The following ORC3 variants were observed in gnomAD, a reference collection of about 807,000 sequenced individuals.
The protein encoded by ORC3 is origin recognition complex subunit 3, also known as homolog of latheo, Drosophila.
Under a neutral mutation model 100.7 loss-of-function variants are expected in ORC3, and 78 were observed. That is an observed-to-expected ratio of 0.77 (90% confidence interval 0.65 to 0.94). The LOEUF is 0.94. ORC3 is among the 40% of genes least tolerant of loss of function. The probability of loss-of-function intolerance (pLI) is 0.00; values close to 1 mark genes in which losing one functional copy is unlikely to be tolerated. For synonymous variants in ORC3, 295 were observed against 289.3 expected (o/e 1.02, Z -0.20); for missense variants, 789 against 823.9 (o/e 0.96, Z 0.52).
intron 11 of ORC3, among the ~76,000 whole-genome samples, chr6:87,622,686 C>A (rs1779622108): frequency 6.6e-6 from 1 of 152,084 alleles, no homozygotes; most frequent in Admixed American, 6.5e-5. Flanking sequence ...CTGGATACAG[C>A]CAGTGTTACT....
intron 2 of ORC3, 61 bp downstream of exon 2, chr6:87,594,468 C>T (rs1777281126): frequency 7.0e-7 from 1 of 1,438,444 alleles, no homozygotes; most frequent in Admixed American, 2.1e-5. Context: ...AGGAACTAAC[C>T]CTAATTGAAT....
chr6:87,627,804 G>A (rs1057297891), intron 11 of ORC3, among the ~76,000 whole-genome samples: 9 of 152,080 alleles, frequency 5.9e-5, no homozygotes, highest in South Asian at 4.2e-4. Context: ...TTTACAGTCT[G>A]TATAACTGGA....
intron 13 of ORC3, among the ~76,000 whole-genome samples, chr6:87,645,254 G>C (rs2128284685): frequency 6.6e-6 from 1 of 152,296 alleles, no homozygotes; most frequent in African/African-American, 2.4e-5. Context: ...AGTAAGAGCT[G>C]TGATGGGTCA....
chr6:87,658,039 T>A, intron 16 of ORC3, 21 bp downstream of exon 16: 1 of 1,289,860 alleles, frequency 7.8e-7, no homozygotes, highest in Non-Finnish European at 1.1e-6. Flanking sequence ...ATTTAGCTCT[T>A]AAGAGCTAAA....
In ORC3 at chr6:87,603,536, T is replaced by G. The variant is rs779713238; in HGVS notation, c.322+8T>G. 1 of 1,462,720 alleles carries G rather than the reference T, an allele frequency of 6.8e-7. No homozygotes were observed. Among genetic ancestry groups the G allele is most frequent in the Non-Finnish European group, 9.2e-7 (1 of 1,084,372 alleles). The allele number at this position is 1,462,720 out of a possible 1,614,324, so 90.6% of individuals were successfully genotyped here. A position where few individuals can be genotyped will look rare whatever the true frequency, so the allele number is the denominator to read the frequency against. ...CTGCTGCTCTTGTTCTTGGTATATA[T>G]GCGTATGTTTGTTCATGCATGCATC... On this transcript the variant is annotated splice_region_variant and intron_variant, in intron 4 of 19. Coordinates refer to ENST00000392844, the MANE Select transcript of ORC3 (RefSeq NM_012381.4).
chr6:87,638,305 T>A (rs1439791734), intron 13 of ORC3, among the ~76,000 whole-genome samples: 1 of 152,188 alleles, frequency 6.6e-6, no homozygotes, highest in African/African-American at 2.4e-5. Context: ...TTCTCCTTTG[T>A]ACAGATTTGA....
chr6:87,621,994 C>A lies in ORC3; in HGVS notation c.1166C>A (p.Thr389Asn), dbSNP rs1779569486. The change falls in exon 11 of 20, where the codon ACC (threonine) becomes AAC (asparagine). Residue 389 changes from threonine to asparagine, a missense_variant. Coordinates refer to ENST00000392844, the MANE Select transcript of ORC3 (RefSeq NM_012381.4). ...QASEKQVALL[T>N]NERYLKEETQ... is the part of the protein sequence containing the mutation. ...TCAGAAAAGCAAGTTGCGCTCTTGA[C>A]CAATGAGAGATATTTGAAGGTAGGA... The A allele has an allele frequency of 1.2e-6, 2 of 1,607,338 alleles. No individual in the cohort carries two copies. Among genetic ancestry groups the A allele is most frequent in the Non-Finnish European group, 1.7e-6 (2 of 1,175,150 alleles).
At chr6:87,621,752 T>C (rs939893919) in intron 10 of ORC3, among the ~76,000 whole-genome samples, 198 bp from the exon 11 acceptor site, 3 of 152,126 alleles carry the variant, frequency 2.0e-5, no homozygotes, top group African/African-American at 7.2e-5. Context: ...AATGTTTATA[T>C]CTATAGACTA....
Position 87,603,538 on chromosome 6 carries a change from C to T in ORC3, c.322+10C>T, listed in dbSNP as rs200115952. 1.9e-5 allele frequency: 28 copies of T among 1,455,172 alleles called. No individual in the cohort carries two copies. The African/African-American group carries it at 3.1e-4, about 16-fold the overall frequency. 90.1% of individuals were successfully genotyped at this position (1,455,172 alleles called of 1,614,324 possible). A position where few individuals can be genotyped will look rare whatever the true frequency, so the allele number is the denominator to read the frequency against. ...GCTGCTCTTGTTCTTGGTATATATG[C>T]GTATGTTTGTTCATGCATGCATCTC... On this transcript the variant is annotated intron_variant, in intron 4 of 19. Transcript: ENST00000392844.
At chr6:87,596,992 A>G (rs1386045095) in intron 2 of ORC3, among the ~76,000 whole-genome samples, 1 of 152,220 alleles carries the variant, frequency 6.6e-6, no homozygotes, top group Non-Finnish European at 1.5e-5. Flanking sequence ...TATTAATACA[A>G]TCTAGTGACC....
chr6:87,609,216 A>AAG lies in ORC3; in HGVS notation c.700_701insAG (p.Ile234LysfsTer2). ...TGCCACAAAAGTACTACAAGACTTC[A>AAG]TAATTATCAGCAGGTAGATGGTGTA... On this transcript the variant is annotated frameshift_variant, in exon 7 of 20. Coordinates refer to ENST00000392844, the MANE Select transcript of ORC3 (RefSeq NM_012381.4). LOFTEE classifies it high-confidence loss of function. The AAG allele has an allele frequency of 6.3e-7, 1 of 1,596,130 alleles. No homozygotes were observed. The highest frequency in any genetic ancestry group is 1.1e-5 in the South Asian group (1 of 87,300).
chr6:87,651,184 C>A, intron 13 of ORC3: 1 of 456,196 alleles, frequency 2.2e-6, no homozygotes, highest in Non-Finnish European at 4.4e-6. Context: ...CTAGGTTTGG[C>A]CTTCCTTGAT....
At chr6:87,648,591 A>G (rs1039117632) in intron 13 of ORC3, among the ~76,000 whole-genome samples, 3 of 152,184 alleles carry the variant, frequency 2.0e-5, no homozygotes, top group African/African-American at 7.2e-5. Flanking sequence ...ATTACCAGCT[A>G]TTGGATTCTG....
intron 13 of ORC3, among the ~76,000 whole-genome samples, chr6:87,641,063 C>G (rs1012705837): frequency 6.6e-6 from 1 of 151,746 alleles, no homozygotes; most frequent in Non-Finnish European, 1.5e-5. Context: ...GAGCCGAGAC[C>G]TTGCCATTGC....
downstream of ORC3, among the ~76,000 whole-genome samples, chr6:87,672,280 G>A (rs1262265281): frequency 2.0e-5 from 3 of 152,148 alleles, no homozygotes; most frequent in African/African-American, 7.2e-5. Context: ...TTTATAAAGG[G>A]GAGCACTAAA....
chr6:87,590,354 A>G (rs1776699436), intron 1 of ORC3, among the ~76,000 whole-genome samples, 162 bp downstream of exon 1: 1 of 152,160 alleles, frequency 6.6e-6, no homozygotes, highest in South Asian at 2.1e-4. Context: ...GTTGAGGCCA[A>G]CTTTGCTTGG....
Position 87,653,025 on chromosome 6 carries a change from C to T in ORC3, c.1383-91C>T, listed in dbSNP as rs186414454. 3,677 of 988,356 alleles carry T rather than the reference C, an allele frequency of 3.7e-3. 13 individuals carry two copies. Among genetic ancestry groups the T allele is most frequent in the Non-Finnish European group, 4.5e-3 (3,219 of 708,838 alleles). The allele number at this position is 988,356 out of a possible 1,614,324, so 61.2% of individuals were successfully genotyped here. A position where few individuals can be genotyped will look rare whatever the true frequency, so the allele number is the denominator to read the frequency against. ...TGAAGAATTTCTTTTATCTTCTGAGCGGAAACATTTAATATGTATATTAAA... is the reference window on the plus strand; with the variant it reads ...TGAAGAATTTCTTTTATCTTCTGAGTGGAAACATTTAATATGTATATTAAA... On this transcript the variant is annotated intron_variant, in intron 13 of 19. Transcript: ENST00000392844.
intron 13 of ORC3, 45 bp from the exon 14 acceptor site, chr6:87,653,071 A>G (rs910155856): frequency 2.0e-6 from 3 of 1,474,796 alleles, no homozygotes; most frequent in South Asian, 1.3e-5. Flanking sequence ...TTTAAGTGTT[A>G]ATTTTCTAGT....
chr6:87,644,079 CTTTTTTTTTTTTTTTTTT>C (rs1156943778), intron 13 of ORC3, among the ~76,000 whole-genome samples: 1 of 51,390 alleles, frequency 1.9e-5, no homozygotes, highest in African/African-American at 9.5e-5. Flanking sequence ...GCTGACTGTC[CTTTTTTTTTTTTTTTTTT>C]TTTTTTTTTT....
Sources: allele counts gnomAD v4.1 joint callset (sites outside exome capture counted in the v4.1 genomes callset), GRCh38; gene constraint gnomAD v4.1.1; transcripts MANE v1.5; gene names NCBI Gene and HGNC (gene_info 2026-07-23, HGNC 2026-07-21).